Variants in CNOT1 observed in about 807,000 individuals in gnomAD.
The protein encoded by CNOT1 is CCR4-associated factor 1.
In CNOT1, 15 loss-of-function variants were observed where a neutral mutation model predicts 273.8. The observed-to-expected ratio is 0.05, with a 90% confidence interval of 0.04 to 0.08. The LOEUF is 0.08. CNOT1 is among the 10% of genes least tolerant of loss of function. The pLI, the probability that CNOT1 is intolerant of heterozygous loss-of-function variation, is 1.00. For synonymous variants in CNOT1, 1,022 were observed against 1,005.5 expected (o/e 1.02, Z -0.31); for missense variants, 1,644 against 2,912.2 (o/e 0.56, Z 10.02).
intron 33 of CNOT1, among the ~76,000 whole-genome samples, chr16:58,541,910 T>C (rs1263352510): frequency 2.6e-5 from 4 of 152,186 alleles, no homozygotes; most frequent in African/African-American, 9.7e-5. Flanking sequence ...TGGTAAATAT[T>C]ATCAGATTTC....
At chr16:58,615,136 T>C (rs2043030553) in intron 1 of CNOT1, among the ~76,000 whole-genome samples, 1 of 125,194 alleles carries the variant, frequency 8.0e-6, no homozygotes, top group Non-Finnish European at 1.9e-5. Flanking sequence ...AAATATCTTC[T>C]AGAGGTAAGT....
At chr16:58,536,438 C>T (rs2039933541) in intron 39 of CNOT1, among the ~76,000 whole-genome samples, 1 of 152,154 alleles carries the variant, frequency 6.6e-6, no homozygotes, top group African/African-American at 2.4e-5. Context: ...AACATTCCTG[C>T]CAAACTTGAT....
chr16:58,543,003 G>T, intron 31 of CNOT1: 1 of 705,278 alleles, frequency 1.4e-6, no homozygotes, highest in South Asian at 6.4e-5. Context: ...TGAAGCACGA[G>T]AATCAGTTGA....
In CNOT1 at chr16:58,546,406, A is replaced by C; in HGVS notation, c.3921T>G (p.Asp1307Glu). 6.2e-7 allele frequency: 1 copy of C among 1,613,954 alleles called. No homozygotes were observed. Among genetic ancestry groups the C allele is most frequent in the Non-Finnish European group, 8.5e-7 (1 of 1,179,942 alleles). The change falls in exon 29 of 49, where the codon GAT becomes GAG. Residue 1307 changes from aspartate (D) to glutamate (E), a missense_variant. Physicochemically the swap from Asp to Glu is conservative, Grantham distance 45. Around this residue, in one of 13 missense-constraint regions of CNOT1, gnomAD observed 52 missense variants for 50.2 expected, o/e 1.04. Coordinates refer to ENST00000317147, the MANE Select transcript of CNOT1 (RefSeq NM_016284.5). ...GTTGCTCATCTAAATTCTTCAGGCG[A>C]TCTTTATCCTTTAGGAGGTTTCCAG... ...LKPGNLLKDK[D>E]RLKNLDEQLS...
chr16:58,629,088 T>G (rs117725648), intron 1 of CNOT1, among the ~76,000 whole-genome samples: 1 of 152,042 alleles, frequency 6.6e-6, no homozygotes, highest in African/African-American at 2.4e-5. Flanking sequence ...GGCGCGCGAG[T>G]GGAACAAAAC....
At chr16:58,581,187 T>C (rs1260060267) in intron 11 of CNOT1, among the ~76,000 whole-genome samples, 158 bp downstream of exon 11, 1 of 152,250 alleles carries the variant, frequency 6.6e-6, no homozygotes, top group African/African-American at 2.4e-5. Context: ...AAAACTATGA[T>C]AATATTCCTT....
chr16:58,559,592 G>A (rs1173214853), intron 17 of CNOT1, among the ~76,000 whole-genome samples: 2 of 152,124 alleles, frequency 1.3e-5, no homozygotes, highest in African/African-American at 4.8e-5. Context: ...GCACTTCCAG[G>A]CTTAAGTGTG....
rs1265934107 is a variant in CNOT1 at position 58,521,020 on chromosome 16, C to T, written c.7069G>A (p.Ala2357Thr). The T allele has an allele frequency of 1.9e-6, 3 of 1,613,982 alleles. No homozygotes were observed. The highest frequency in any genetic ancestry group is 1.1e-5 in the South Asian group (1 of 91,080). ...TGCTTCTGTCCCATGCAGCACTGTG[C>T]GACCGACTGGAATAACCTGAAGGAT... ...PEIEKLFQSV[A>T]QCCMGQKQAQ... The change falls in exon 49 of 49, where the codon GCA (alanine) becomes ACA (threonine). Residue 2357 changes from alanine to threonine, a missense_variant. Ala to Thr is a moderately conservative substitution (Grantham distance 58). This residue lies in a region of CNOT1 where 140 missense variants were observed against 324.6 expected (regional missense o/e 0.43). Coordinates refer to ENST00000317147, the MANE Select transcript of CNOT1 (RefSeq NM_016284.5).
In CNOT1 at chr16:58,520,901, T is replaced by C. The variant is rs1365283972; in HGVS notation, c.*57A>G. 3 of 1,548,478 alleles carry C rather than the reference T, an allele frequency of 1.9e-6. No individual in the cohort carries two copies. Among genetic ancestry groups the C allele is most frequent in the Non-Finnish European group, 2.7e-6 (3 of 1,129,024 alleles). On this transcript the variant is annotated 3_prime_UTR_variant, in exon 49 of 49. Transcript: ENST00000317147. The stretch of plus-strand genomic sequence containing the variant: ...CTGAAAGGATTCTTCAGTCAGTTTA[T>C]GAACTCGGTGCAGTGAGACCTCTAG...
chr16:58,592,227 T>C (rs927147114), intron 2 of CNOT1, among the ~76,000 whole-genome samples: 1 of 152,146 alleles, frequency 6.6e-6, no homozygotes, highest in Non-Finnish European at 1.5e-5. Context: ...GTTTATAAAA[T>C]AGTTTTAGAA....
In CNOT1 at chr16:58,558,576, T is replaced by G. The variant is rs202117917; in HGVS notation, c.2229A>C (p.Ala743=). 3 of 1,613,486 alleles carry G rather than the reference T, an allele frequency of 1.9e-6. No individual in the cohort carries two copies. Among genetic ancestry groups the G allele is most frequent in the Non-Finnish European group, 1.7e-6 (2 of 1,179,710 alleles). Residue 743 remains alanine (A), a synonymous_variant, in exon 18 of 49, where the codon GCA becomes GCC. Transcript: ENST00000317147. Reference sequence around the variant, plus strand: ...TTGCTGGTGACTGAGGGGTACTGAATGCAGAACCCAAATTTGGAGGAAAAC... The same window carrying G: ...TTGCTGGTGACTGAGGGGTACTGAAGGCAGAACCCAAATTTGGAGGAAAAC... ...MQGFPPNLGS[A]FSTPQSPAKA...
chr16:58,555,205 T>C, intron 21 of CNOT1, 46 bp downstream of exon 21: 1 of 1,597,496 alleles, frequency 6.3e-7, no homozygotes, highest in Middle Eastern at 1.7e-4. Context: ...AGACCCTGTC[T>C]GCGGGGTCAG....
At chr16:58,595,576 T>C (rs1252291591) in intron 2 of CNOT1, among the ~76,000 whole-genome samples, 1 of 152,130 alleles carries the variant, frequency 6.6e-6, no homozygotes, top group Non-Finnish European at 1.5e-5. Context: ...TCCACAACCA[T>C]TCAGGGTTGT....
At chr16:58,533,380 T>C (rs2039828601) in intron 40 of CNOT1, among the ~76,000 whole-genome samples, 1 of 152,200 alleles carries the variant, frequency 6.6e-6, no homozygotes, top group African/African-American at 2.4e-5. Flanking sequence ...CTCACGCCTA[T>C]AATCCCAGCA....
chr16:58,526,264 T>C, intron 44 of CNOT1, 126 bp from the exon 45 acceptor site: 1 of 845,516 alleles, frequency 1.2e-6, no homozygotes, highest in Non-Finnish European at 1.8e-6. Flanking sequence ...AGAGCACAGC[T>C]GCCACATTTT....
Position 58,589,436 on chromosome 16 carries a change from CG to C in CNOT1, c.103-531del, listed in dbSNP as rs1282609678. Among the ~76,000 whole-genome samples the C allele has an allele frequency of 3.9e-5, 6 of 152,028 alleles. No individual in the cohort carries two copies. In the East Asian group the frequency reaches 1.2e-3, roughly 29 times the overall value. ...GCTGAGGCAGGAAATCACTTGAACC[CG>C]GGAGACAGAGGTTGCAGTGAGCTGA... On this transcript the variant is annotated intron_variant, in intron 2 of 48. Transcript: ENST00000317147.
intron 29 of CNOT1, among the ~76,000 whole-genome samples, chr16:58,546,100 TTA>T (rs2040249996): frequency 6.6e-6 from 1 of 152,134 alleles, no homozygotes; most frequent in East Asian, 1.9e-4. Flanking sequence ...TAAATCACAT[TTA>T]GTTAATAATA....
chr16:58,588,331 G>A (rs934225507), intron 3 of CNOT1, among the ~76,000 whole-genome samples: 3 of 151,710 alleles, frequency 2.0e-5, no homozygotes, highest in African/African-American at 7.3e-5. Context: ...AAAAAAAGAT[G>A]TAAAGAAAGT....
chr16:58,522,570 G>T (rs1046940331), intron 47 of CNOT1, among the ~76,000 whole-genome samples: 6 of 152,124 alleles, frequency 3.9e-5, no homozygotes, highest in Non-Finnish European at 8.8e-5. Context: ...GTGTGTGTGT[G>T]TATCACAATC....
Sources: allele counts gnomAD v4.1 joint callset (sites outside exome capture counted in the v4.1 genomes callset), GRCh38; gene constraint gnomAD v4.1.1; regional missense constraint gnomAD v4.1.1; transcripts MANE v1.5; gene names NCBI Gene and HGNC (gene_info 2026-07-23, HGNC 2026-07-21).